ZNF670: variants seen among roughly 807,000 people sequenced by gnomAD.
The protein encoded by ZNF670 is zinc finger protein 670.
In ZNF670, 7 loss-of-function variants were observed where a neutral mutation model predicts 10.9. The observed-to-expected ratio is 0.64, with a 90% CI of 0.36 to 1.20. The LOEUF (loss-of-function observed/expected upper bound fraction) is 1.20, where lower values mean the gene tolerates loss of function less well. Among genes scored for constraint, ZNF670 ranks in the 50% most tolerant of loss-of-function variants. ZNF670 has a pLI of 0.02. For missense variants in ZNF670, 446 were observed against 458.6 expected, an observed-to-expected ratio of 0.97 and a Z score of 0.25; for synonymous variants, 136 against 152.7, an observed-to-expected ratio of 0.89 and a Z score of 0.81.
chr1:247,048,495 C>T (rs1670512020), intron 1 of ZNF670, among the ~76,000 whole-genome samples: 1 of 152,188 alleles, frequency 6.6e-6, no homozygotes, highest in African/African-American at 2.4e-5. Flanking sequence ...CCTTCTGAGC[C>T]CTCCAAACTG....
intron 1 of ZNF670, among the ~76,000 whole-genome samples, chr1:247,070,082 G>A (rs1671080187): frequency 6.6e-6 from 1 of 151,908 alleles, no homozygotes; most frequent in African/African-American, 2.4e-5. Flanking sequence ...TTGCATCCCT[G>A]TATCAAAATA....
At chr1:247,068,304 G>C (rs1280111045) in intron 1 of ZNF670, among the ~76,000 whole-genome samples, 1 of 73,854 alleles carries the variant, frequency 1.4e-5, no homozygotes, top group Non-Finnish European at 2.4e-5. Flanking sequence ...AGGTGACAGA[G>C]TAAGATTCTG....
At chr1:247,040,224 T>A (rs1260824426) in intron 1 of ZNF670, among the ~76,000 whole-genome samples, 3 of 152,244 alleles carry the variant, frequency 2.0e-5, no homozygotes, top group African/African-American at 7.2e-5. Flanking sequence ...GGCATCAACG[T>A]GATTATAATA....
intron 1 of ZNF670, among the ~76,000 whole-genome samples, chr1:247,077,168 T>C (rs914699024): frequency 2.0e-5 from 3 of 152,156 alleles, no homozygotes; most frequent in Non-Finnish European, 4.4e-5. Flanking sequence ...TGATGAAAAC[T>C]GGGGTTGGAG....
chr1:247,067,999 A>G (rs1325076494), intron 1 of ZNF670, among the ~76,000 whole-genome samples: 6 of 150,766 alleles, frequency 4.0e-5, no homozygotes, highest in Non-Finnish European at 8.8e-5. Context: ...ACAACTCTAT[A>G]GGAAAAAAAT....
chr1:247,063,577 CA>C (rs5782410), intron 1 of ZNF670, among the ~76,000 whole-genome samples: 13,451 of 93,058 alleles, frequency 0.14, 560 homozygotes, highest in Middle Eastern at 0.22. Flanking sequence ...AGCGAGACAC[CA>C]AAAAAAAAAA....
At position 247,078,781 on chromosome 1, in the gene ZNF670, T is replaced by G. The variant is rs1367986194; in HGVS notation, c.-185A>C. On this transcript the variant is annotated 5_prime_UTR_variant, in exon 1 of 4. Coordinates refer to ENST00000366503, the MANE Select transcript of ZNF670 (RefSeq NM_033213.5). ...AAAAGCCGCGCCAGGTCCCGGAAGC[T>G]GCTCCCTCCTTTCGCGGCGCGCTTG... 1.6e-6 allele frequency: 1 copy of G among 629,722 alleles called. No individual in the cohort carries two copies. 39.0% of individuals were successfully genotyped at this position (629,722 alleles called of 1,614,324 possible).
chr1:247,072,840 G>GAATACA (rs1671167999), intron 1 of ZNF670, among the ~76,000 whole-genome samples: 2 of 47,992 alleles, frequency 4.2e-5, no homozygotes, highest in Non-Finnish European at 4.1e-5. Flanking sequence ...ATATATATAT[G>GAATACA]CATACACACA....
At chr1:247,077,094 C>A (rs962163375) in intron 1 of ZNF670, among the ~76,000 whole-genome samples, 1 of 152,224 alleles carries the variant, frequency 6.6e-6, no homozygotes, top group Non-Finnish European at 1.5e-5. Flanking sequence ...GCGCAGGAAT[C>A]ATTTCTAGAT....
chr1:247,066,065 C>A (rs1032239873), intron 1 of ZNF670, among the ~76,000 whole-genome samples: 3 of 152,180 alleles, frequency 2.0e-5, no homozygotes, highest in Non-Finnish European at 4.4e-5. Context: ...GTGCAACAAA[C>A]TGAGGCAAGA....
rs943139323 is a variant in ZNF670 at position 247,036,866 on chromosome 1, T to C, written c.*583A>G. 1 of 69,354 alleles carries C rather than the reference T, an allele frequency of 1.4e-5. No individual in the cohort carries two copies. Among genetic ancestry groups the C allele is most frequent in the African/African-American group, 6.9e-5 (1 of 14,392 alleles). 4.3% of individuals were successfully genotyped at this position (69,354 alleles called of 1,614,324 possible). Reference sequence around the variant, plus strand: ...AAAAAGTAGTTTTCCCATAAAAAGGTAGAATACACACACACACACACACAC... The same window carrying C: ...AAAAAGTAGTTTTCCCATAAAAAGGCAGAATACACACACACACACACACAC... On this transcript the variant is annotated 3_prime_UTR_variant, in exon 4 of 4. Transcript: ENST00000366503.
chr1:247,039,259 C>A (rs1670248184), intron 2 of ZNF670, 152 bp downstream of exon 2: 1 of 765,138 alleles, frequency 1.3e-6, no homozygotes, highest in African/African-American at 1.9e-5. Context: ...TGGGGTTTCA[C>A]CATGTTGGCC....
At chr1:247,063,508 A>G (rs35092400) in intron 1 of ZNF670, among the ~76,000 whole-genome samples, 2,867 of 148,458 alleles carry the variant, frequency 0.019, 36 homozygotes, top group Non-Finnish European at 0.032. Context: ...GCGTGAACCC[A>G]GGAGGCGGAG....
intron 1 of ZNF670, among the ~76,000 whole-genome samples, chr1:247,040,067 T>G (rs1670268754): frequency 6.6e-6 from 1 of 152,218 alleles, no homozygotes; most frequent in African/African-American, 2.4e-5. Flanking sequence ...TTGTTTTGTT[T>G]CTGAAAGCCT....
At chr1:247,054,767 A>G (rs1458620608) in intron 1 of ZNF670, among the ~76,000 whole-genome samples, 1 of 152,182 alleles carries the variant, frequency 6.6e-6, no homozygotes, top group East Asian at 1.9e-4. Context: ...CTGTTTGAGA[A>G]AAGCAGAGTA....
Position 247,058,078 on chromosome 1 carries a change from C to T in ZNF670, c.4-18541G>A, listed in dbSNP as rs367614984. 1.6e-3 allele frequency among the ~76,000 whole-genome samples: 240 copies of T among 152,086 alleles called. 3 individuals are homozygous for T. Among genetic ancestry groups the T allele is most frequent in the Middle Eastern group, 6.8e-3 (2 of 294 alleles). On this transcript the variant is annotated intron_variant, in intron 1 of 3. Transcript: ENST00000366503. ...GTACAATTATTATGCATTGCATGCC[C>T]GTATCAAAATATCTCATGTAACTCA...
At chr1:247,051,261 A>G (rs1572561916) in intron 1 of ZNF670, among the ~76,000 whole-genome samples, 2 of 131,728 alleles carry the variant, frequency 1.5e-5, no homozygotes, top group African/African-American at 6.3e-5. Context: ...CTCCAAGAAA[A>G]AAAAAAACAA....
At position 247,072,840 on chromosome 1, in the gene ZNF670, G is replaced by GCACACA. The variant is rs1558348475; in HGVS notation, c.3+5753_3+5754insTGTGTG. ...TATATATATATATATATATATATATGCATACACACACATACACACACACAC... is the reference window on the plus strand; with the variant it reads ...TATATATATATATATATATATATATGCACACACATACACACACATACACACACACAC... On this transcript the variant is annotated intron_variant, in intron 1 of 3. Coordinates refer to ENST00000366503, the MANE Select transcript of ZNF670 (RefSeq NM_033213.5). 9.2e-4 allele frequency among the ~76,000 whole-genome samples: 44 copies of GCACACA among 47,986 alleles called. 1 individual carries two copies. The highest frequency in any genetic ancestry group is 3.2e-3 in the African/African-American group (42 of 12,986). 31.5% of individuals were successfully genotyped at this position (47,986 alleles called of 152,430 possible).
Position 247,037,402 on chromosome 1 carries a change from T to G in ZNF670, c.*47A>C. ...AATGAAACTAGAATAACTGAAAGCT[T>G]TAACACACTTCTTACATTGACAGAG... On this transcript the variant is annotated 3_prime_UTR_variant, in exon 4 of 4. Coordinates refer to ENST00000366503, the MANE Select transcript of ZNF670 (RefSeq NM_033213.5). 6.5e-7 allele frequency: 1 copy of G among 1,533,324 alleles called. No individual in the cohort carries two copies. The highest frequency in any genetic ancestry group is 2.2e-5 in the Admixed American group (1 of 45,430). The allele number at this position is 1,533,324 out of a possible 1,614,324, so 95.0% of individuals were successfully genotyped here. A position where few individuals can be genotyped will look rare whatever the true frequency, so the allele number is the denominator to read the frequency against.
Sources: gnomAD v4.1 joint callset for allele counts (sites outside exome capture counted in the v4.1 genomes callset) on GRCh38, gnomAD v4.1.1 for gene constraint, MANE v1.5 for transcripts, NCBI Gene and HGNC (gene_info 2026-07-23, HGNC 2026-07-21) for gene names.